PDE4D: variants seen among roughly 807,000 people sequenced by gnomAD.
PDE4D encodes the protein 3',5'-cyclic-AMP phosphodiesterase 4D.
In PDE4D, 24 loss-of-function variants were observed where a neutral mutation model predicts 87.4. The observed-to-expected ratio is 0.27, with a 90% confidence interval of 0.20 to 0.39. The LOEUF (loss-of-function observed/expected upper bound fraction) is 0.39. PDE4D is among the 10% of genes least tolerant of loss of function. The pLI, the probability that PDE4D is intolerant of heterozygous loss-of-function variation, is 1.00. For synonymous variants in PDE4D, 384 were observed against 383.2 expected (o/e 1.00, Z -0.02); for missense variants, 714 against 1,041.0 (o/e 0.69, Z 4.32).
chr5:59,909,443 T>G (rs1222257491), intron 3 of PDE4D, among the ~76,000 whole-genome samples: 1 of 152,032 alleles, frequency 6.6e-6, no homozygotes, highest in Non-Finnish European at 1.5e-5. Context: ...TTACCCAGGC[T>G]GGAGTGCCCT....
At chr5:60,506,936 A>G (rs1750351093) in intron 1 of PDE4D, among the ~76,000 whole-genome samples, 1 of 152,226 alleles carries the variant, frequency 6.6e-6, no homozygotes, top group African/African-American at 2.4e-5. Flanking sequence ...AATAAAAAGG[A>G]AAAGAAACAC....
At position 58,970,730 on chromosome 5, in the gene PDE4D, T is replaced by G. The variant is rs1476454425; in HGVS notation, c.*3934A>C. The G allele has an allele frequency of 1.3e-5, 2 of 152,146 alleles. No individual in the cohort carries two copies. The highest frequency in any genetic ancestry group is 1.3e-4 in the Admixed American group (2 of 15,264). 9.4% of individuals were successfully genotyped at this position (152,146 alleles called of 1,614,324 possible). A position where few individuals can be genotyped will look rare whatever the true frequency, so the allele number is the denominator to read the frequency against. ...AAAACAGTATTTTCTCTTTAATGTA[T>G]TCTCTTAACATGTCAGGAAGCTGAT... is the stretch of plus-strand genomic sequence containing the variant. On this transcript the variant is annotated 3_prime_UTR_variant, in exon 15 of 15. Transcript: ENST00000340635.
intron 1 of PDE4D, among the ~76,000 whole-genome samples, chr5:59,431,074 TC>T (rs1796038031): frequency 6.6e-6 from 1 of 152,146 alleles, no homozygotes; most frequent in South Asian, 2.1e-4. Context: ...ATGTCTTTAT[TC>T]ACTAAAACGT....
intron 1 of PDE4D, among the ~76,000 whole-genome samples, chr5:59,316,260 T>G (rs1043428329): frequency 1.3e-5 from 2 of 152,190 alleles, no homozygotes; most frequent in African/African-American, 4.8e-5. Context: ...GACATAAGAT[T>G]CATGAAATTT....
At chr5:60,062,908 C>T (rs954645157) in intron 2 of PDE4D, among the ~76,000 whole-genome samples, 10 of 151,884 alleles carry the variant, frequency 6.6e-5, no homozygotes, top group African/African-American at 2.4e-4. Context: ...CACACCAGGG[C>T]CTGTTGGGTC....
chr5:60,474,104 C>CCATATATA (rs1748081582), intron 1 of PDE4D, among the ~76,000 whole-genome samples: 1 of 21,202 alleles, frequency 4.7e-5, no homozygotes, highest in African/African-American at 1.0e-4. Flanking sequence ...CTTTGAGCTG[C>CCATATATA]CATATATATA....
chr5:59,509,283 A>G (rs1457952683), intron 1 of PDE4D, among the ~76,000 whole-genome samples: 1 of 151,964 alleles, frequency 6.6e-6, no homozygotes, highest in Non-Finnish European at 1.5e-5. Context: ...AGTAATGCAT[A>G]CACAACAAAA....
chr5:59,229,729 A>G (rs1004269642), intron 1 of PDE4D, among the ~76,000 whole-genome samples: 1 of 152,202 alleles, frequency 6.6e-6, no homozygotes, highest in Admixed American at 6.5e-5. Context: ...GTAATTACAT[A>G]TCAGGAAAGA....
intron 2 of PDE4D, among the ~76,000 whole-genome samples, chr5:60,147,005 T>C (rs974282626): frequency 6.6e-6 from 1 of 152,172 alleles, no homozygotes; most frequent in Admixed American, 6.5e-5. Flanking sequence ...GGAACCCTTG[T>C]ACCCTGTTGG....
chr5:60,184,728 C>A (rs1784640980), intron 2 of PDE4D, among the ~76,000 whole-genome samples: 1 of 152,206 alleles, frequency 6.6e-6, no homozygotes, highest in Non-Finnish European at 1.5e-5. Flanking sequence ...ACAATAGAAT[C>A]ACTGGTTATA....
chr5:60,348,865 T>A (rs75743776), intron 1 of PDE4D, among the ~76,000 whole-genome samples: 2,974 of 152,132 alleles, frequency 0.02, 80 homozygotes, highest in African/African-American at 0.069. Context: ...GAAAACAGAA[T>A]CTGTAATTTT....
intron 1 of PDE4D, among the ~76,000 whole-genome samples, chr5:59,493,517 C>A (rs1310150715): frequency 2.0e-5 from 3 of 152,192 alleles, no homozygotes; most frequent in Admixed American, 6.5e-5. Context: ...ACAGTAAGTT[C>A]TCATTTTTCC....
intron 2 of PDE4D, among the ~76,000 whole-genome samples, chr5:60,019,896 T>C (rs887382875): frequency 2.0e-5 from 3 of 152,066 alleles, no homozygotes; most frequent in Middle Eastern, 3.2e-3. Flanking sequence ...AACTTTTATT[T>C]TTTTTTTTTG....
intron 2 of PDE4D, among the ~76,000 whole-genome samples, chr5:60,054,978 T>G (rs888847215): frequency 2.6e-5 from 4 of 152,000 alleles, no homozygotes; most frequent in Non-Finnish European, 5.9e-5. Flanking sequence ...AAGAGATAAC[T>G]ACAGATGTGA....
At chr5:59,926,724 T>A (rs760222394) in intron 3 of PDE4D, among the ~76,000 whole-genome samples, 4 of 152,240 alleles carry the variant, frequency 2.6e-5, no homozygotes, top group Non-Finnish European at 4.4e-5. Flanking sequence ...ATTAGAAGTA[T>A]CATTAGAGGC....
chr5:60,066,594 TCA>T (rs1772123335), intron 2 of PDE4D, among the ~76,000 whole-genome samples: 2 of 47,368 alleles, frequency 4.2e-5, no homozygotes, highest in African/African-American at 3.3e-4. Context: ...AAGCAAATTA[TCA>T]TCATCATCAT....
At chr5:59,534,730 G>A (rs1345472089) in intron 1 of PDE4D, among the ~76,000 whole-genome samples, 1 of 152,176 alleles carries the variant, frequency 6.6e-6, no homozygotes, top group Non-Finnish European at 1.5e-5. Flanking sequence ...TCAGGTTGTG[G>A]ATTTACATAT....
intron 1 of PDE4D, among the ~76,000 whole-genome samples, chr5:59,407,351 T>C (rs1362088556): frequency 2.0e-5 from 3 of 152,188 alleles, no homozygotes; most frequent in Non-Finnish European, 4.4e-5. Context: ...GCATTATGCT[T>C]GTACAGCCTG....
intron 1 of PDE4D, among the ~76,000 whole-genome samples, chr5:60,428,642 G>A (rs1332926877): frequency 3.3e-5 from 5 of 152,106 alleles, no homozygotes; most frequent in African/African-American, 1.2e-4. Flanking sequence ...CCTACTAAAT[G>A]CTTCACAAAT....
Sources: gnomAD v4.1 joint callset for allele counts (sites outside exome capture counted in the v4.1 genomes callset) on GRCh38, gnomAD v4.1.1 for gene constraint, MANE v1.5 for transcripts, NCBI Gene and HGNC (gene_info 2026-07-23, HGNC 2026-07-21) for gene names.